Variants in CDH13 observed in about 807,000 individuals in gnomAD.
CDH13 encodes the protein cadherin-13.
Under a neutral mutation model 63.8 loss-of-function variants are expected in CDH13, and 24 were observed. That is an observed-to-expected ratio of 0.38 (90% CI 0.27 to 0.53). CDH13 has a LOEUF of 0.53. CDH13 is among the 20% of genes least tolerant of loss of function. CDH13 has a pLI of 0.85. For missense variants in CDH13, 1,049 were observed against 903.1 expected (o/e 1.16, Z -2.07); for synonymous variants, 503 against 355.3 (o/e 1.42, Z -4.67).
chr16:83,038,370 C>G (rs1002834143), intron 3 of CDH13, among the ~76,000 whole-genome samples: 3 of 152,142 alleles, frequency 2.0e-5, no homozygotes, highest in Non-Finnish European at 4.4e-5. Context: ...ATGGGCTTCC[C>G]AGAATCTAGT....
intron 6 of CDH13, among the ~76,000 whole-genome samples, chr16:83,378,261 C>T (rs2091492626): frequency 6.6e-6 from 1 of 152,142 alleles, no homozygotes; most frequent in African/African-American, 2.4e-5. Context: ...ATCTTGATGC[C>T]TTGCCCTGAA....
intron 2 of CDH13, among the ~76,000 whole-genome samples, chr16:82,982,677 G>T (rs1469559765): frequency 6.6e-6 from 1 of 152,092 alleles, no homozygotes; most frequent in Non-Finnish European, 1.5e-5. Flanking sequence ...CATTAGTTTT[G>T]CACCAACCTA....
chr16:83,470,993 C>G (rs1332827898), intron 6 of CDH13, among the ~76,000 whole-genome samples: 1 of 152,136 alleles, frequency 6.6e-6, no homozygotes, highest in East Asian at 1.9e-4. Flanking sequence ...TCCTTGGCTC[C>G]TGACGCCTTC....
intron 2 of CDH13, among the ~76,000 whole-genome samples, chr16:82,860,669 T>A (rs1246283454): frequency 1.3e-5 from 2 of 151,920 alleles, no homozygotes; most frequent in African/African-American, 4.8e-5. Context: ...AAAGCAGATC[T>A]GGTTAGGTAC....
chr16:83,341,752 G>C (rs2090727471), intron 5 of CDH13, among the ~76,000 whole-genome samples: 2 of 152,128 alleles, frequency 1.3e-5, no homozygotes, highest in Admixed American at 6.5e-5. Flanking sequence ...GAGTTGAGCA[G>C]AGTCCTAATT....
chr16:83,078,705 G>A (rs2033025190), intron 3 of CDH13, among the ~76,000 whole-genome samples: 1 of 152,228 alleles, frequency 6.6e-6, no homozygotes, highest in Non-Finnish European at 1.5e-5. Flanking sequence ...CCTCTTATCA[G>A]GCTGAAAGCC....
At chr16:82,720,487 A>C (rs996084602) in intron 1 of CDH13, among the ~76,000 whole-genome samples, 1 of 152,142 alleles carries the variant, frequency 6.6e-6, no homozygotes, top group African/African-American at 2.4e-5. Flanking sequence ...ACAGGACATC[A>C]TTCCATCGCA....
chr16:82,985,089 A>G (rs573121169), intron 2 of CDH13, among the ~76,000 whole-genome samples: 7 of 152,226 alleles, frequency 4.6e-5, no homozygotes, highest in Non-Finnish European at 7.3e-5. Flanking sequence ...GACCTGTTGA[A>G]TAAGGTCAGT....
At chr16:83,478,116 C>T (rs578222496) in intron 6 of CDH13, among the ~76,000 whole-genome samples, 5 of 150,368 alleles carry the variant, frequency 3.3e-5, no homozygotes, top group South Asian at 2.1e-4. Context: ...GCCGAGATCA[C>T]GCCACTGCAC....
chr16:83,033,182 T>G (rs1465549318), intron 3 of CDH13, among the ~76,000 whole-genome samples: 1 of 152,188 alleles, frequency 6.6e-6, no homozygotes, highest in Non-Finnish European at 1.5e-5. Context: ...ATCTCAAAGC[T>G]AACCTGCCCA....
At chr16:83,455,368 G>C (rs2072994311) in intron 6 of CDH13, among the ~76,000 whole-genome samples, 1 of 152,144 alleles carries the variant, frequency 6.6e-6, no homozygotes, top group Non-Finnish European at 1.5e-5. Context: ...CAGGGAGCCT[G>C]GTGTGATCAC....
intron 7 of CDH13, among the ~76,000 whole-genome samples, chr16:83,579,554 G>A (rs1425921707): frequency 1.3e-5 from 2 of 151,998 alleles, no homozygotes; most frequent in Admixed American, 6.5e-5. Flanking sequence ...CAGCAAGGGG[G>A]AAATCCACCC....
intron 6 of CDH13, among the ~76,000 whole-genome samples, chr16:83,438,464 C>G (rs534980974): frequency 6.6e-6 from 1 of 152,202 alleles, no homozygotes; most frequent in Non-Finnish European, 1.5e-5. Context: ...GGGCAGGGCC[C>G]GGTCACAGTT....
In CDH13 at chr16:82,838,002, C is replaced by A. The variant is rs60363653; in HGVS notation, c.46-20360C>A. Among the ~76,000 whole-genome samples the A allele has an allele frequency of 4.8e-3, 734 of 152,268 alleles. 6 individuals are homozygous for A. Among genetic ancestry groups the A allele is most frequent in the African/African-American group, 0.017 (694 of 41,548 alleles). On this transcript the variant is annotated intron_variant, in intron 1 of 13. Transcript: ENST00000567109. ...GCCCAGGACTAGAGGTCATAAGGCC[C>A]CTACTAACTCTCTGGCTTCATCCCC...
chr16:83,271,527 AAC>A (rs1469563591), intron 5 of CDH13, among the ~76,000 whole-genome samples: 1 of 127,196 alleles, frequency 7.9e-6, no homozygotes, highest in African/African-American at 3.1e-5. Flanking sequence ...AAACAACAAC[AAC>A]AAAAAAAAAC....
chr16:83,333,162 A>C (rs2090514253), intron 5 of CDH13, among the ~76,000 whole-genome samples: 1 of 152,146 alleles, frequency 6.6e-6, no homozygotes, highest in African/African-American at 2.4e-5. Flanking sequence ...TTTCCCTGGG[A>C]ACTCTCTAGG....
intron 1 of CDH13, among the ~76,000 whole-genome samples, chr16:82,690,069 G>A (rs1915490731): frequency 6.9e-6 from 1 of 144,916 alleles, no homozygotes; most frequent in Non-Finnish European, 1.5e-5. Flanking sequence ...TTGGGAGGCT[G>A]AGGCAGGAGA....
At chr16:83,031,115 C>A (rs1343688513) in intron 2 of CDH13, among the ~76,000 whole-genome samples, 1 of 149,450 alleles carries the variant, frequency 6.7e-6, no homozygotes, top group East Asian at 2.0e-4. Context: ...CATATGTGTA[C>A]ATGTATACAT....
intron 1 of CDH13, among the ~76,000 whole-genome samples, chr16:82,803,805 T>G (rs1386231061): frequency 6.6e-6 from 1 of 152,130 alleles, no homozygotes; most frequent in African/African-American, 2.4e-5. Context: ...GAATGGTGAT[T>G]TGGGGGAGCA....
Sources: allele counts gnomAD v4.1 joint callset (sites outside exome capture counted in the v4.1 genomes callset), GRCh38; gene constraint gnomAD v4.1.1; transcripts MANE v1.5; gene names NCBI Gene and HGNC (gene_info 2026-07-23, HGNC 2026-07-21).